The following ADARB2 variants were observed in gnomAD, a reference collection of about 807,000 sequenced individuals.
ADARB2 encodes inactive double-stranded RNA-specific editase B2.
In ADARB2, 25 loss-of-function variants were observed where a neutral mutation model predicts 62.2. The ratio of observed to expected loss-of-function variants is 0.40; its 90% CI spans 0.29 to 0.56. The LOEUF (loss-of-function observed/expected upper bound fraction) is 0.56. Ranked by LOEUF, ADARB2 falls within the 20% of genes least tolerant of loss-of-function variation. The pLI is 0.43. For synonymous variants in ADARB2, 572 were observed against 500.8 expected, an observed-to-expected ratio of 1.14 and a Z score of -1.90; for missense variants, 1,071 against 1,077.4, an observed-to-expected ratio of 0.99 and a Z score of 0.08.
At position 1,200,119 on chromosome 10, in the gene ADARB2, G is replaced by C; in HGVS notation, c.1711C>G (p.Leu571Val). The C allele has an allele frequency of 1.9e-6, 3 of 1,552,522 alleles. No individual in the cohort carries two copies. Among genetic ancestry groups the C allele is most frequent in the South Asian group, 2.4e-5 (2 of 84,226 alleles). The part of the protein sequence containing the change: ...RWNVLGLQGA[L>V]LSHFVEPVYL... ...ACGGGCTCCACGAAGTGGGACAGGA[G>C]CGCGCCCTGCAGCCCCAGGACGTTC... is the stretch of plus-strand genomic sequence containing the variant. The change falls in exon 8 of 10, where the codon CTC (leucine) becomes GTC (valine). Residue 571 changes from leucine (L) to valine (V), a missense_variant. Coordinates refer to ENST00000381312, the MANE Select transcript of ADARB2 (RefSeq NM_018702.4).
At chr10:1,203,520 G>A (rs1478166229) in intron 7 of ADARB2, among the ~76,000 whole-genome samples, 1 of 152,198 alleles carries the variant, frequency 6.6e-6, no homozygotes, top group African/African-American at 2.4e-5. Context: ...GCTGCCACCC[G>A]TCCCGGCGTC....
intron 1 of ADARB2, among the ~76,000 whole-genome samples, chr10:1,458,303 C>A (rs541152569): frequency 6.6e-6 from 1 of 152,296 alleles, no homozygotes; most frequent in African/African-American, 2.4e-5. Context: ...TGCTGTCAAT[C>A]TCCTGGCCCT....
intron 1 of ADARB2, among the ~76,000 whole-genome samples, chr10:1,530,055 C>T (rs2813456): frequency 0.24 from 36,047 of 151,416 alleles, 4,338 homozygotes; most frequent in African/African-American, 0.26. Flanking sequence ...CCATGGGCGC[C>T]TATCCACTGC....
chr10:1,539,835 A>G (rs1832388550), intron 1 of ADARB2, among the ~76,000 whole-genome samples: 1 of 152,196 alleles, frequency 6.6e-6, no homozygotes, highest in Non-Finnish European at 1.5e-5. Context: ...GTTAAATATG[A>G]TTTGCATGCA....
intron 3 of ADARB2, among the ~76,000 whole-genome samples, chr10:1,356,842 A>G (rs1378492865): frequency 6.6e-6 from 1 of 152,206 alleles, no homozygotes; most frequent in Non-Finnish European, 1.5e-5. Flanking sequence ...TTTTCTCCTT[A>G]AGTAAGTTAT....
intron 4 of ADARB2, among the ~76,000 whole-genome samples, chr10:1,242,636 C>T (rs568311644): frequency 3.3e-5 from 5 of 152,204 alleles, no homozygotes; most frequent in Non-Finnish European, 7.3e-5. Context: ...AGTCCCAGGT[C>T]CCCTGTGAGT....
intron 1 of ADARB2, among the ~76,000 whole-genome samples, chr10:1,595,695 G>C (rs1179305011): frequency 2.0e-5 from 3 of 152,178 alleles, no homozygotes; most frequent in Non-Finnish European, 2.9e-5. Context: ...TATTCTGCAT[G>C]GTGCCTGTCT....
At chr10:1,205,223 G>A (rs1353131944) in intron 7 of ADARB2, among the ~76,000 whole-genome samples, 1 of 152,206 alleles carries the variant, frequency 6.6e-6, no homozygotes, top group African/African-American at 2.4e-5. Flanking sequence ...GCCAACCCCC[G>A]AGCTCAAAGG....
intron 5 of ADARB2, 69 bp downstream of exon 5, chr10:1,242,062 C>G: frequency 6.7e-7 from 1 of 1,494,978 alleles, no homozygotes; most frequent in East Asian, 2.4e-5. Flanking sequence ...GGCATGGGGC[C>G]CCATCTGCTC....
intron 1 of ADARB2, among the ~76,000 whole-genome samples, chr10:1,501,271 A>T (rs1198997576): frequency 6.6e-6 from 1 of 152,208 alleles, no homozygotes; most frequent in Non-Finnish European, 1.5e-5. Flanking sequence ...CTATGTAGGG[A>T]AACAGTTTTG....
chr10:1,613,515 C>T (rs1833596312), intron 1 of ADARB2, among the ~76,000 whole-genome samples: 1 of 152,304 alleles, frequency 6.6e-6, no homozygotes, highest in South Asian at 2.1e-4. Context: ...GAGTTTCCAG[C>T]AACTCATGCA....
At position 1,242,194 on chromosome 10, in the gene ADARB2, G is replaced by C. The variant is rs761373140; in HGVS notation, c.1298C>G (p.Ala433Gly). 6.2e-7 allele frequency: 1 copy of C among 1,610,340 alleles called. No individual in the cohort carries two copies. The highest frequency in any genetic ancestry group is 1.1e-5 in the South Asian group (1 of 90,746). Residue 433 changes from alanine (A) to glycine (G), a missense_variant, in exon 5 of 10, where the codon GCG becomes GGG. Transcript: ENST00000381312. ...DQGLVVNDCHAEVVARRAFLH... is the reference protein window; with the variant it reads ...DQGLVVNDCHGEVVARRAFLH... ...GAACGCCCGCCGGGCCACGACCTCC[G>C]CGTGGCAGTCATTCACCACCAGCCC...
intron 1 of ADARB2, among the ~76,000 whole-genome samples, chr10:1,559,542 C>T (rs986373978): frequency 3.3e-5 from 5 of 152,114 alleles, no homozygotes; most frequent in Admixed American, 6.5e-5. Flanking sequence ...CTTAAGCTAC[C>T]GTGACAGGGG....
At chr10:1,349,388 T>C (rs1439703193) in intron 3 of ADARB2, among the ~76,000 whole-genome samples, 1 of 152,206 alleles carries the variant, frequency 6.6e-6, no homozygotes, top group Non-Finnish European at 1.5e-5. Context: ...CCACAAAGCC[T>C]GTTTGGTGGT....
At chr10:1,673,464 G>A (rs1834419745) in intron 1 of ADARB2, among the ~76,000 whole-genome samples, 2 of 151,958 alleles carry the variant, frequency 1.3e-5, no homozygotes, top group East Asian at 1.9e-4. Flanking sequence ...AAGCCCTGTC[G>A]TTGAAACAAA....
intron 1 of ADARB2, among the ~76,000 whole-genome samples, chr10:1,650,581 G>A (rs142636131): frequency 1.1e-4 from 16 of 152,322 alleles, no homozygotes; most frequent in African/African-American, 3.6e-4. Context: ...TGATCTAACT[G>A]CATCAGAAGT....
chr10:1,599,670 G>A (rs995113555), intron 1 of ADARB2, among the ~76,000 whole-genome samples: 9 of 152,192 alleles, frequency 5.9e-5, no homozygotes, highest in Admixed American at 5.2e-4. Context: ...GGTCAGTGAG[G>A]GGTTTAGGAA....
chr10:1,405,425 T>A (rs1039450217), intron 1 of ADARB2, among the ~76,000 whole-genome samples: 2 of 151,954 alleles, frequency 1.3e-5, no homozygotes, highest in African/African-American at 4.8e-5. Context: ...TGGTCAGGAG[T>A]TCGGGACCAG....
chr10:1,485,895 C>T (rs1831535211), intron 1 of ADARB2, among the ~76,000 whole-genome samples: 2 of 152,172 alleles, frequency 1.3e-5, no homozygotes, highest in Non-Finnish European at 1.5e-5. Flanking sequence ...AAGTTACGTC[C>T]AATGAGAAAT....
Sources: allele counts gnomAD v4.1 joint callset (sites outside exome capture counted in the v4.1 genomes callset), GRCh38; gene constraint gnomAD v4.1.1; transcripts MANE v1.5; gene names NCBI Gene and HGNC (gene_info 2026-07-23, HGNC 2026-07-21).